The following SYNJ1 variants were observed in gnomAD, a reference collection of about 807,000 sequenced individuals.
The protein encoded by SYNJ1 is synaptojanin 1.
In SYNJ1, 78 loss-of-function variants were observed where a neutral mutation model predicts 168.2. That is an observed-to-expected ratio of 0.46 (90% confidence interval 0.39 to 0.56). The LOEUF (loss-of-function observed/expected upper bound fraction) is 0.56. SYNJ1 is among the 20% of genes least tolerant of loss of function. The pLI is 0.00. For synonymous variants in SYNJ1, 539 were observed against 548.6 expected (o/e 0.98, Z 0.24); for missense variants, 1,303 against 1,597.6 (o/e 0.82, Z 3.14).
In SYNJ1 at chr21:32,646,514, G is replaced by T. The variant is rs1601264866; in HGVS notation, c.3126C>A (p.Pro1042=). The change falls in exon 24 of 33, where the codon CCC becomes CCA. Residue 1042 remains proline (P), a synonymous_variant. Coordinates refer to ENST00000674351, the MANE Select transcript of SYNJ1 (RefSeq NM_203446.3). ...PSSSSGLGTS[P]SSSPRTSPCQ... is the part of the protein sequence containing the mutation. ...AGGGACTAGTTCGGGGTGAAGAGCTGGGGGAAGTACCAAGGCCGGAACTTG... is the reference window on the plus strand; with the variant it reads ...AGGGACTAGTTCGGGGTGAAGAGCTTGGGGAAGTACCAAGGCCGGAACTTG... The T allele has an allele frequency of 1.2e-6, 2 of 1,614,122 alleles. No homozygotes were observed. The highest frequency in any genetic ancestry group is 1.7e-6 in the Non-Finnish European group (2 of 1,179,990).
intron 13 of SYNJ1, 83 bp from the exon 14 acceptor site, chr21:32,673,614 C>T (rs2041288650): frequency 7.6e-6 from 9 of 1,184,166 alleles, no homozygotes; most frequent in South Asian, 1.9e-5. Flanking sequence ...ATACGATGTC[C>T]GCTGGAAAGC....
chr21:32,649,145 T>C (rs1376671216), intron 23 of SYNJ1, among the ~76,000 whole-genome samples: 2 of 152,236 alleles, frequency 1.3e-5, no homozygotes, highest in African/African-American at 2.4e-5. Context: ...TGTCACTTTA[T>C]TATAATTGCC....
At chr21:32,663,450 G>C (rs2040797032) in intron 18 of SYNJ1, among the ~76,000 whole-genome samples, 2 of 152,144 alleles carry the variant, frequency 1.3e-5, no homozygotes, top group African/African-American at 4.8e-5. Context: ...ACCAGGACTG[G>C]ACAGCCCCCA....
intron 13 of SYNJ1, among the ~76,000 whole-genome samples, chr21:32,674,294 G>A (rs1228369064): frequency 1.3e-5 from 2 of 152,242 alleles, no homozygotes; most frequent in South Asian, 2.1e-4. Context: ...CACTCTTCCC[G>A]CACATCCTTC....
chr21:32,680,798 GT>G (rs2041593487), intron 11 of SYNJ1, among the ~76,000 whole-genome samples: 1 of 152,076 alleles, frequency 6.6e-6, no homozygotes, highest in Admixed American at 6.6e-5. Context: ...TCTATTTTCA[GT>G]AGAGATGTGG....
chr21:32,699,228 G>A (rs2146207968), intron 4 of SYNJ1, among the ~76,000 whole-genome samples: 1 of 152,286 alleles, frequency 6.6e-6, no homozygotes, highest in Admixed American at 6.5e-5. Context: ...GGAGTGGGCT[G>A]ACCCTGCTGG....
In SYNJ1 at chr21:32,726,819, T is replaced by G. The variant is rs766887493; in HGVS notation, c.77A>C (p.His26Pro). 3.1e-6 allele frequency: 5 copies of G among 1,614,228 alleles called. No individual in the cohort carries two copies. The highest frequency in any genetic ancestry group is 4.2e-6 in the Non-Finnish European group (5 of 1,180,048). Reference sequence around the variant, plus strand: ...CTCGAACATGAGACATTCTTCCTTATGCCTAGTTTCCACTATGAGGCTGAA... The same window carrying G: ...CTCGAACATGAGACATTCTTCCTTAGGCCTAGTTTCCACTATGAGGCTGAA... ...PPFSLIVETR[H>P]KEECLMFESG... Residue 26 changes from histidine (H) to proline (P), a missense_variant, in exon 2 of 33, where the codon CAT (histidine) becomes CCT (proline). Around this residue, in one of 2 missense-constraint regions of SYNJ1, gnomAD observed 920 missense variants for 1,208.8 expected, o/e 0.76. Transcript: ENST00000674351.
At chr21:32,668,857 T>C (rs76943490) in intron 15 of SYNJ1, among the ~76,000 whole-genome samples, 4,000 of 152,298 alleles carry the variant, frequency 0.026, 73 homozygotes, top group Middle Eastern at 0.078. Flanking sequence ...TTAAGACATC[T>C]TTCACTGTGT....
At chr21:32,656,612 C>G in intron 21 of SYNJ1, 75 bp downstream of exon 21, 2 of 1,302,564 alleles carry the variant, frequency 1.5e-6, no homozygotes, top group South Asian at 3.0e-5. Context: ...TCTCTCCTTC[C>G]CCAAATAAGG....
chr21:32,694,258 A>C lies in SYNJ1; in HGVS notation c.759T>G (p.Val253=), dbSNP rs111290161. 3 of 1,570,142 alleles carry C rather than the reference A, an allele frequency of 1.9e-6. No homozygotes were observed. The African/African-American group carries it at 4.2e-5, about 22-fold the overall frequency. The change falls in exon 6 of 33, where the codon GTT becomes GTG. Residue 253 remains valine (V), a synonymous_variant. Transcript: ENST00000674351. ...ACCCTGGTTGCTCCCAGAACAATGG[A>C]ACAGATCCTCGGATTTGTATGAAGG... ...VSSFIQIRGS[V]PLFWEQPGLQ...
intron 4 of SYNJ1, among the ~76,000 whole-genome samples, chr21:32,699,187 T>C (rs1216687289): frequency 6.6e-6 from 1 of 152,220 alleles, no homozygotes; most frequent in Non-Finnish European, 1.5e-5. Flanking sequence ...GCAAAAGTTT[T>C]ATTGAGGAAG....
chr21:32,716,833 G>A lies in SYNJ1; in HGVS notation c.124+9939C>T, dbSNP rs112655563. On this transcript the variant is annotated intron_variant, in intron 2 of 32. Transcript: ENST00000674351. Reference sequence around the variant, plus strand: ...ATGCTCTGTGTATTTATTTATTTTAGCCTTTTTTCTCTCTGTATTTTATTT... The same window carrying A: ...ATGCTCTGTGTATTTATTTATTTTAACCTTTTTTCTCTCTGTATTTTATTT... 7.2e-5 allele frequency among the ~76,000 whole-genome samples: 11 copies of A among 152,110 alleles called. 1 individual carries two copies. Among genetic ancestry groups the A allele is most frequent in the African/African-American group, 2.7e-4 (11 of 41,508 alleles).
chr21:32,715,399 A>G (rs1410836661), intron 2 of SYNJ1, among the ~76,000 whole-genome samples: 2 of 152,054 alleles, frequency 1.3e-5, no homozygotes, highest in East Asian at 3.9e-4. Context: ...ACCTGAACCC[A>G]GGAGGCTGAG....
chr21:32,708,103 C>T (rs560844360), intron 2 of SYNJ1, among the ~76,000 whole-genome samples: 1 of 152,150 alleles, frequency 6.6e-6, no homozygotes, highest in East Asian at 1.9e-4. Flanking sequence ...TCCTCAGTTA[C>T]GTCTGGAAAC....
chr21:32,641,924 C>G lies in SYNJ1; in HGVS notation c.3560G>C (p.Gly1187Ala). 1 of 1,613,662 alleles carries G rather than the reference C, an allele frequency of 6.2e-7. No individual in the cohort carries two copies. Residue 1187 changes from glycine (G) to alanine (A), a missense_variant, in exon 29 of 33, where the codon GGA (glycine) becomes GCA (alanine). By Grantham distance (60) the Gly-to-Ala change is moderately conservative (BLOSUM62 0). This residue lies in a region of SYNJ1 where 383 missense variants were observed against 388.8 expected (regional missense o/e 0.99). Transcript: ENST00000674351. Reference sequence around the variant, plus strand: ...TCTGGCTGTACTGTATCCAGCAGGTCCTGGGCCTGCAAGTCCTGCTTGAGG... The same window carrying G: ...TCTGGCTGTACTGTATCCAGCAGGTGCTGGGCCTGCAAGTCCTGCTTGAGG... ...PSPQAGLAGP[G>A]PAGYSTARPT...
At chr21:32,638,225 C>A (rs1384745061) in intron 31 of SYNJ1, among the ~76,000 whole-genome samples, 1 of 152,086 alleles carries the variant, frequency 6.6e-6, no homozygotes, top group African/African-American at 2.4e-5. Context: ...CATGGCACAA[C>A]ACCTGGATAG....
chr21:32,631,371 T>C lies in SYNJ1; in HGVS notation c.*434A>G, dbSNP rs2039319576. ...TGAAGATGAAGCCCTGCTTTTGTTA[T>C]GACCAAGAGGCTGCAGAGAAGGGAA... On this transcript the variant is annotated 3_prime_UTR_variant, in exon 33 of 33. Coordinates refer to ENST00000674351, the MANE Select transcript of SYNJ1 (RefSeq NM_203446.3). 4 of 1,614,116 alleles carry C rather than the reference T, an allele frequency of 2.5e-6. No homozygotes were observed. Among genetic ancestry groups the C allele is most frequent in the Non-Finnish European group, 3.4e-6 (4 of 1,180,054 alleles).
rs1003813087 is a variant in SYNJ1 at position 32,686,047 on chromosome 21, G to A, written c.949-130C>T. 5 of 853,080 alleles carry A rather than the reference G, an allele frequency of 5.9e-6. No homozygotes were observed. The Admixed American group carries it at 9.8e-5, about 17-fold the overall frequency. 52.8% of individuals were successfully genotyped at this position (853,080 alleles called of 1,614,324 possible). ...AAAGCCTCAAAAACTATCCCTGAGA[G>A]ATACGGTGACACAATTAACATCAGT... On this transcript the variant is annotated intron_variant, in intron 8 of 32. Coordinates refer to ENST00000674351, the MANE Select transcript of SYNJ1 (RefSeq NM_203446.3).
chr21:32,678,924 G>T, intron 11 of SYNJ1, 123 bp from the exon 12 acceptor site: 1 of 1,299,814 alleles, frequency 7.7e-7, no homozygotes, highest in Non-Finnish European at 1.0e-6. Flanking sequence ...GGACCTAATC[G>T]TTCTATTTTG....
Sources: gnomAD v4.1 joint callset for allele counts (sites outside exome capture counted in the v4.1 genomes callset) on GRCh38, gnomAD v4.1.1 for gene constraint, gnomAD v4.1.1 regional missense constraint, MANE v1.5 for transcripts, NCBI Gene and HGNC (gene_info 2026-07-23, HGNC 2026-07-21) for gene names.